Variants in RNF6 observed in about 807,000 individuals in gnomAD.
RNF6 encodes the protein E3 ubiquitin-protein ligase RNF6.
Under a neutral mutation model 50.1 loss-of-function variants are expected in RNF6, and 21 were observed. That is an observed-to-expected ratio of 0.42 (90% CI 0.30 to 0.60). The LOEUF is 0.60. Ranked by LOEUF, RNF6 falls within the 20% of genes least tolerant of loss-of-function variation. RNF6 has a pLI of 0.20. For missense variants in RNF6, 698 were observed against 838.2 expected (o/e 0.83, Z 2.07); for synonymous variants, 255 against 291.8 (o/e 0.87, Z 1.29).
chr13:26,186,873 G>A (rs539493145), intron 5 of RNF6, among the ~76,000 whole-genome samples: 2 of 151,966 alleles, frequency 1.3e-5, no homozygotes, highest in South Asian at 4.1e-4. Flanking sequence ...CGCCTCCCAG[G>A]TTCACGCCAT....
rs531528801 is a variant in RNF6 at position 26,218,707 on chromosome 13, G to A, written c.194-101C>T. The stretch of plus-strand genomic sequence containing the variant: ...CTTTAGTAACCTATAGAAGACAAAT[G>A]TCTTATTACTTTCATATGTTCTGTA... On this transcript the variant is annotated intron_variant, in intron 3 of 4. Transcript: ENST00000381588. 2.0e-5 allele frequency: 16 copies of A among 812,752 alleles called. No individual in the cohort carries two copies. In the South Asian group the frequency reaches 2.3e-4, roughly 12 times the overall value. The allele number at this position is 812,752 out of a possible 1,614,324, so 50.3% of individuals were successfully genotyped here.
At chr13:26,132,168 A>T (rs911878579) in exon 6 of RNF6, 3 of 216,402 alleles carry the variant, frequency 1.4e-5, no homozygotes, top group African/African-American at 2.3e-5. Context: ...CATTACAATA[A>T]ATTACAATTC....
chr13:26,191,091 T>G (rs1706531917), intron 5 of RNF6, among the ~76,000 whole-genome samples: 2 of 152,176 alleles, frequency 1.3e-5, no homozygotes, highest in South Asian at 4.1e-4. Context: ...ATAGGTGATA[T>G]TCCATGGAAC....
At chr13:26,173,161 G>T (rs567403475) in intron 5 of RNF6, among the ~76,000 whole-genome samples, 3 of 152,338 alleles carry the variant, frequency 2.0e-5, no homozygotes, top group Non-Finnish European at 4.4e-5. Context: ...AACCATTGTA[G>T]AGAGAGCAAG....
chr13:26,139,875 G>T (rs1566403774), intron 5 of RNF6, among the ~76,000 whole-genome samples: 5 of 151,726 alleles, frequency 3.3e-5, no homozygotes, highest in Admixed American at 2.0e-4. Context: ...GTCTCACTGT[G>T]TCCCCCAGGG....
At chr13:26,172,334 A>T (rs1446361408) in intron 5 of RNF6, among the ~76,000 whole-genome samples, 1 of 152,208 alleles carries the variant, frequency 6.6e-6, no homozygotes, top group Non-Finnish European at 1.5e-5. Context: ...CAGATACGCT[A>T]AAGGTCTAAA....
At chr13:26,149,980 ATG>A (rs1871491474) in intron 5 of RNF6, among the ~76,000 whole-genome samples, 1 of 122,626 alleles carries the variant, frequency 8.2e-6, no homozygotes, top group African/African-American at 3.4e-5. Flanking sequence ...TGTATATATA[ATG>A]TGTATATATA....
At chr13:26,210,777 T>G (rs1869290056), downstream of RNF6, among the ~76,000 whole-genome samples, 1 of 152,170 alleles carries the variant, frequency 6.6e-6, no homozygotes, top group African/African-American at 2.4e-5. Flanking sequence ...CAAGGAGAGC[T>G]TCAGAGGTTT....
chr13:26,194,751 T>C (rs1170338669), intron 5 of RNF6, among the ~76,000 whole-genome samples: 1 of 152,122 alleles, frequency 6.6e-6, no homozygotes, highest in African/African-American at 2.4e-5. Context: ...GTCCCAAAAC[T>C]GAAGAACTTG....
At chr13:26,166,168 C>A (rs1171526055) in intron 5 of RNF6, among the ~76,000 whole-genome samples, 1 of 152,204 alleles carries the variant, frequency 6.6e-6, no homozygotes, top group Non-Finnish European at 1.5e-5. Context: ...AGTTTCCCTG[C>A]ACAATCTCTC....
downstream of RNF6, among the ~76,000 whole-genome samples, chr13:26,212,607 T>C (rs1323411665): frequency 6.6e-6 from 1 of 150,914 alleles, no homozygotes; most frequent in Non-Finnish European, 1.5e-5. Context: ...TATCAATTGA[T>C]ATTCAGTTTC....
rs1371680529 is a variant in RNF6 at position 26,214,535 on chromosome 13, C to T, written c.1347G>A (p.Glu449=). The change falls in exon 5 of 5, where the codon GAG becomes GAA. Residue 449 remains glutamate, a synonymous_variant. Transcript: ENST00000381588. ...GGFRRTISRL[E]RSGIRTYVST... ...TAACATAGGTTCGAATACCTGACCG[C>T]TCTAAACGAGAAATGGTTCGGCGAA... 1.2e-6 allele frequency: 2 copies of T among 1,614,174 alleles called. No homozygotes were observed. Among genetic ancestry groups the T allele is most frequent in the Admixed American group, 1.7e-5 (1 of 60,026 alleles).
upstream of RNF6, chr13:26,222,369 T>G (rs1870611749): frequency 6.6e-6 from 1 of 152,284 alleles, no homozygotes; most frequent in Non-Finnish European, 1.5e-5. Context: ...TCCGCCCTCT[T>G]GCGCCGCCCT....
chr13:26,160,155 G>A (rs2137606586), intron 5 of RNF6, among the ~76,000 whole-genome samples: 1 of 152,202 alleles, frequency 6.6e-6, no homozygotes, highest in South Asian at 2.1e-4. Context: ...TGAAAAGTAA[G>A]TGATAATATT....
At chr13:26,160,419 T>C (rs1197409425) in intron 5 of RNF6, among the ~76,000 whole-genome samples, 5 of 152,166 alleles carry the variant, frequency 3.3e-5, no homozygotes, top group African/African-American at 1.2e-4. Context: ...AGATAGAGTC[T>C]CACTGTGTTG....
intron 5 of RNF6, among the ~76,000 whole-genome samples, chr13:26,158,292 G>A (rs1443296007): frequency 1.3e-5 from 2 of 152,108 alleles, no homozygotes; most frequent in Non-Finnish European, 2.9e-5. Context: ...CTCACCTTGG[G>A]TCAGACGTCT....
chr13:26,191,939 G>A (rs1868480515), intron 5 of RNF6, among the ~76,000 whole-genome samples: 1 of 152,204 alleles, frequency 6.6e-6, no homozygotes, highest in Admixed American at 6.5e-5. Flanking sequence ...AGTTGGCCAT[G>A]CAGTAATGGA....
At chr13:26,204,795 G>A (rs1869042199) in intron 5 of RNF6, among the ~76,000 whole-genome samples, 1 of 152,124 alleles carries the variant, frequency 6.6e-6, no homozygotes, top group African/African-American at 2.4e-5. Flanking sequence ...TGCCTGGCAT[G>A]GTATTCATCT....
chr13:26,159,604 G>A (rs1053804593), intron 5 of RNF6, among the ~76,000 whole-genome samples: 2 of 151,748 alleles, frequency 1.3e-5, no homozygotes, highest in Admixed American at 6.6e-5. Context: ...CAGCCTGGGC[G>A]ACAGTGTGAA....
Sources: allele counts gnomAD v4.1 joint callset (sites outside exome capture counted in the v4.1 genomes callset), GRCh38; gene constraint gnomAD v4.1.1; transcripts MANE v1.5; gene names NCBI Gene and HGNC (gene_info 2026-07-23, HGNC 2026-07-21).